ARHGEF10L: variants seen among roughly 807,000 people sequenced by gnomAD.
ARHGEF10L encodes Rho guanine nucleotide exchange factor 10 like.
A neutral mutation model predicts 141.2 loss-of-function variants in ARHGEF10L; 69 were observed. The ratio of observed to expected loss-of-function variants is 0.49; its 90% CI spans 0.40 to 0.60. The LOEUF (loss-of-function observed/expected upper bound fraction) is 0.60, where lower values mean the gene tolerates loss of function less well. Among genes scored for constraint, ARHGEF10L ranks in the 20% least tolerant of loss-of-function variants. The pLI, the probability that ARHGEF10L is intolerant of heterozygous loss-of-function variation, is 0.00. For missense variants in ARHGEF10L, 1,482 were observed against 1,734.3 expected (o/e 0.85, Z 2.58); for synonymous variants, 711 against 718.5 (o/e 0.99, Z 0.17).
chr1:17,571,629 G>A (rs545291076), intron 1 of ARHGEF10L, among the ~76,000 whole-genome samples: 148 of 152,242 alleles, frequency 9.7e-4, no homozygotes, highest in African/African-American at 3.3e-3. Context: ...TGCCTCCTGG[G>A]TTCAAGTGAT....
the ARHGEF10L span, among the ~76,000 whole-genome samples, chr1:17,529,134 C>T: frequency 6.6e-6 from 1 of 152,084 alleles, no homozygotes; most frequent in East Asian, 1.9e-4. Context: ...TCCCAAGTAG[C>T]TAGGACTACA....
chr1:17,648,237 A>C (rs561904347), intron 21 of ARHGEF10L, among the ~76,000 whole-genome samples: 1 of 152,334 alleles, frequency 6.6e-6, no homozygotes, highest in South Asian at 2.1e-4. Context: ...CCACAGGACG[A>C]AGGCATTTCT....
chr1:17,550,988 C>T (rs74609967), intron 1 of ARHGEF10L, among the ~76,000 whole-genome samples: 3,087 of 152,052 alleles, frequency 0.02, 108 homozygotes, highest in African/African-American at 0.071. Flanking sequence ...TGCTATTAAG[C>T]GTCTCACCTT....
At chr1:17,580,733 G>GA in intron 2 of ARHGEF10L, 101 bp downstream of exon 2, 3 of 1,428,792 alleles carry the variant, frequency 2.1e-6, no homozygotes, top group Non-Finnish European at 1.9e-6. Flanking sequence ...GCGCCGGGTG[G>GA]GAAGTCTGCT....
chr1:17,537,557 G>A (rs1162902499), upstream of ARHGEF10L, among the ~76,000 whole-genome samples: 2 of 152,188 alleles, frequency 1.3e-5, no homozygotes, highest in Non-Finnish European at 2.9e-5. Context: ...AGAGCTCAGA[G>A]GAGGGAGAGG....
Position 17,621,650 on chromosome 1 carries a change from C to T in ARHGEF10L, c.943-214C>T, listed in dbSNP as rs2060114862. Among the ~76,000 whole-genome samples, 1 of 152,206 alleles carries T rather than the reference C, an allele frequency of 6.6e-6. No homozygotes were observed. Among genetic ancestry groups the T allele is most frequent in the Non-Finnish European group, 1.5e-5 (1 of 68,040 alleles). ...ACAGAGGGGCTTTCCCTGGGATGTG[C>T]CCTTCCTCCTCCATTCTGTAGCCAG... On this transcript the variant is annotated intron_variant, in intron 10 of 28. Transcript: ENST00000361221. This position sits in a 1 kb window ranked among gnomAD's most constrained non-coding sequence, Gnocchi z 4.1.
intron 27 of ARHGEF10L, among the ~76,000 whole-genome samples, chr1:17,688,580 G>A (rs754919763): frequency 9.2e-5 from 14 of 152,242 alleles, no homozygotes; most frequent in Non-Finnish European, 2.1e-4. Flanking sequence ...AGGCAGGGCT[G>A]GGTTCAGCAG....
At chr1:17,630,625 G>C (rs955689729) in intron 15 of ARHGEF10L, among the ~76,000 whole-genome samples, 2 of 152,216 alleles carry the variant, frequency 1.3e-5, no homozygotes, top group Non-Finnish European at 2.9e-5. Context: ...GCCTGGCTCT[G>C]TCCTGTGCTG....
intron 2 of ARHGEF10L, among the ~76,000 whole-genome samples, chr1:17,583,581 T>C (rs1418768504): frequency 2.0e-5 from 3 of 151,552 alleles, no homozygotes; most frequent in African/African-American, 7.3e-5. Context: ...TAGGAGGGGG[T>C]CAAATAACCC....
At chr1:17,648,334 C>T (rs1196764434) in intron 21 of ARHGEF10L, among the ~76,000 whole-genome samples, 2 of 152,172 alleles carry the variant, frequency 1.3e-5, no homozygotes, top group African/African-American at 4.8e-5. Context: ...GGTGGTCAAG[C>T]TGGGACCTTG....
At position 17,666,833 on chromosome 1, in the gene ARHGEF10L, C is replaced by T. The variant is rs796803617; in HGVS notation, c.3009+2238C>T. ...CCCTCCCTTCCCAGCCCCTGGTTCA[C>T]GCTGGGGGCTTCCCTGCTATCACCC... On this transcript the variant is annotated intron_variant, in intron 26 of 28. Coordinates refer to ENST00000361221, the MANE Select transcript of ARHGEF10L (RefSeq NM_018125.4). Among the ~76,000 whole-genome samples the T allele has an allele frequency of 1.5e-4, 19 of 124,168 alleles. 1 individual carries two copies. The highest frequency in any genetic ancestry group is 2.5e-4 in the Admixed American group (3 of 11,912). The allele number at this position is 124,168 out of a possible 152,430, so 81.5% of individuals were successfully genotyped here.
At chr1:17,667,690 G>A (rs1053571357) in intron 26 of ARHGEF10L, among the ~76,000 whole-genome samples, 3 of 152,218 alleles carry the variant, frequency 2.0e-5, no homozygotes, top group South Asian at 2.1e-4. Flanking sequence ...AGGGGCCTGC[G>A]AGAGCAGAGA....
Position 17,582,959 on chromosome 1 carries a change from G to T in ARHGEF10L, c.37+2327G>T, listed in dbSNP as rs916706258. Among the ~76,000 whole-genome samples the T allele has an allele frequency of 3.3e-5, 5 of 151,690 alleles. No homozygotes were observed. In the South Asian group the frequency reaches 1.0e-3, roughly 32 times the overall value. On this transcript the variant is annotated intron_variant, in intron 2 of 28. Transcript: ENST00000361221. ...GAGGAGGTGCAGGCCAGGCACAGTG[G>T]CTCATGCCTATAATCCTAGCACTTT...
At chr1:17,561,890 C>G (rs2077559088) in intron 1 of ARHGEF10L, among the ~76,000 whole-genome samples, 1 of 152,234 alleles carries the variant, frequency 6.6e-6, no homozygotes, top group Non-Finnish European at 1.5e-5. Context: ...ACCACAGCTG[C>G]TCAATCGGGA....
chr1:17,579,519 A>T (rs1256611049), intron 1 of ARHGEF10L, among the ~76,000 whole-genome samples: 1 of 152,206 alleles, frequency 6.6e-6, no homozygotes, highest in Non-Finnish European at 1.5e-5. Context: ...GGAATAATAG[A>T]CGTTAATATT....
intron 1 of ARHGEF10L, among the ~76,000 whole-genome samples, chr1:17,575,682 G>C (rs540145730): frequency 1.3e-5 from 2 of 152,338 alleles, no homozygotes; most frequent in Admixed American, 6.5e-5. Context: ...GAAGCAATAA[G>C]GTGATGTGAC....
intron 25 of ARHGEF10L, among the ~76,000 whole-genome samples, chr1:17,658,215 A>C (rs1003327573): frequency 6.6e-6 from 1 of 152,196 alleles, no homozygotes; most frequent in Non-Finnish European, 1.5e-5. Context: ...TCCAGTATGA[A>C]CTCATCTTAA....
chr1:17,663,525 G>A (rs1284921570), intron 25 of ARHGEF10L, among the ~76,000 whole-genome samples: 6 of 150,432 alleles, frequency 4.0e-5, no homozygotes, highest in Admixed American at 1.3e-4. Flanking sequence ...CTGCAATCCA[G>A]CCTGGGAGAC....
chr1:17,566,754 C>T (rs563396822), intron 1 of ARHGEF10L, among the ~76,000 whole-genome samples: 86 of 152,334 alleles, frequency 5.6e-4, no homozygotes, highest in South Asian at 3.5e-3. Context: ...CCCCGGTATT[C>T]TCCTTCACCT....
Sources: allele counts gnomAD v4.1 joint callset (sites outside exome capture counted in the v4.1 genomes callset), GRCh38; gene constraint gnomAD v4.1.1; non-coding constraint Gnocchi (gnomAD v3.1); transcripts MANE v1.5; gene names NCBI Gene and HGNC (gene_info 2026-07-23, HGNC 2026-07-21).